Variants in LRP1B observed in about 807,000 individuals in gnomAD.
LRP1B encodes the protein LDL receptor related protein 1B.
LRP1B carries 217 observed loss-of-function variants against 556.6 expected under a neutral mutation model. The ratio of observed to expected loss-of-function variants is 0.39; its 90% CI spans 0.35 to 0.44. The LOEUF (loss-of-function observed/expected upper bound fraction) is 0.44. Among genes scored for constraint, LRP1B ranks in the 20% least tolerant of loss-of-function variants. The pLI is 1.00. For synonymous variants in LRP1B, 2,047 were observed against 1,865.8 expected, an observed-to-expected ratio of 1.10 and a Z score of -2.50; for missense variants, 5,053 against 5,620.8, an observed-to-expected ratio of 0.90 and a Z score of 3.23.
At chr2:141,673,364 G>A (rs549227669) in intron 2 of LRP1B, among the ~76,000 whole-genome samples, 1 of 152,274 alleles carries the variant, frequency 6.6e-6, no homozygotes, top group South Asian at 2.1e-4. Flanking sequence ...TCTAAGCTAG[G>A]TATAGCAATT....
intron 1 of LRP1B, among the ~76,000 whole-genome samples, chr2:141,956,822 C>T (rs1411422805): frequency 6.6e-6 from 1 of 151,958 alleles, no homozygotes; most frequent in Admixed American, 6.6e-5. Context: ...CAGCCCTCTA[C>T]CATATCTTTT....
intron 3 of LRP1B, among the ~76,000 whole-genome samples, chr2:141,346,214 C>T (rs1271387386): frequency 6.6e-6 from 1 of 151,606 alleles, no homozygotes; most frequent in Non-Finnish European, 1.5e-5. Flanking sequence ...ATAGATGATC[C>T]TAGTGATTTT....
At chr2:141,692,197 A>T (rs554156762) in intron 2 of LRP1B, among the ~76,000 whole-genome samples, 43 of 152,102 alleles carry the variant, frequency 2.8e-4, no homozygotes, top group Middle Eastern at 3.4e-3. Context: ...CTGACATTTG[A>T]TAAATTCACT....
rs373249680 is a variant in LRP1B, at chr2:141,968,303, A to G, written c.83-157902T>C. Among the ~76,000 whole-genome samples, 3 of 151,958 alleles carry G rather than the reference A, an allele frequency of 2.0e-5. No individual in the cohort carries two copies. The East Asian group carries it at 5.8e-4, about 29-fold the overall frequency. ...TATTTTGCAATTTTCATGATTAATC[A>G]GTGGTAGAAATTAACAGTGCCCTTC... On this transcript the variant is annotated intron_variant, in intron 1 of 90. Transcript: ENST00000389484.
chr2:141,889,239 C>T (rs1699211324), intron 1 of LRP1B, among the ~76,000 whole-genome samples: 2 of 151,872 alleles, frequency 1.3e-5, no homozygotes, highest in Non-Finnish European at 2.9e-5. Flanking sequence ...ATGGAAGAAA[C>T]CAACAGGAAA....
intron 7 of LRP1B, among the ~76,000 whole-genome samples, chr2:141,119,254 G>T (rs1374292620): frequency 6.6e-6 from 1 of 151,812 alleles, no homozygotes; most frequent in South Asian, 2.1e-4. Context: ...AGAGAATAAA[G>T]CCTTCTAAAC....
At chr2:141,396,269 T>C (rs549060731) in intron 3 of LRP1B, among the ~76,000 whole-genome samples, 2 of 152,220 alleles carry the variant, frequency 1.3e-5, no homozygotes, top group South Asian at 2.1e-4. Flanking sequence ...TCTTCAAGTT[T>C]AGTGTTGATT....
intron 35 of LRP1B, among the ~76,000 whole-genome samples, chr2:140,757,664 T>G (rs1254974215): frequency 6.6e-6 from 1 of 152,208 alleles, no homozygotes; most frequent in South Asian, 2.1e-4. Flanking sequence ...GCGGATCATT[T>G]GAGGCCAGGA....
intron 1 of LRP1B, among the ~76,000 whole-genome samples, chr2:141,845,203 T>G (rs111271426): frequency 1.3e-5 from 2 of 151,822 alleles, no homozygotes; most frequent in East Asian, 1.9e-4. Context: ...AAACAATGAC[T>G]GAATTTATCA....
At chr2:141,776,292 G>A (rs77633704) in intron 2 of LRP1B, among the ~76,000 whole-genome samples, 32,125 of 152,140 alleles carry the variant, frequency 0.21, 3,709 homozygotes, top group African/African-American at 0.32. Flanking sequence ...ACTCTGGAAA[G>A]GAAAAATATG....
intron 1 of LRP1B, among the ~76,000 whole-genome samples, chr2:141,968,880 C>CA (rs1472853857): frequency 2.6e-5 from 4 of 151,656 alleles, no homozygotes; most frequent in Admixed American, 6.6e-5. Flanking sequence ...AATCGGCTCT[C>CA]AAAAATGAGA....
chr2:141,795,732 G>T lies in LRP1B; in HGVS notation c.205+14547C>A, dbSNP rs988753882. Among the ~76,000 whole-genome samples the T allele has an allele frequency of 4.0e-5, 6 of 151,248 alleles. No homozygotes were observed. The South Asian group carries it at 1.2e-3, about 31-fold the overall frequency. On this transcript the variant is annotated intron_variant, in intron 2 of 90. Coordinates refer to ENST00000389484, the MANE Select transcript of LRP1B (RefSeq NM_018557.3). ...CCTGTTGCTTTACCTTACTGCACTA[G>T]TATTTTATTTTTATTTTTTCTTCTG...
At chr2:141,234,454 G>T (rs1051192982) in intron 5 of LRP1B, among the ~76,000 whole-genome samples, 1 of 151,982 alleles carries the variant, frequency 6.6e-6, no homozygotes, top group African/African-American at 2.4e-5. Context: ...TCAGCTCACT[G>T]CAACTTCTGC....
intron 7 of LRP1B, among the ~76,000 whole-genome samples, chr2:141,063,935 T>C (rs1163472580): frequency 1.3e-5 from 2 of 151,888 alleles, no homozygotes; most frequent in African/African-American, 4.8e-5. Context: ...TACGTTTAGA[T>C]AGCATTATGA....
intron 2 of LRP1B, among the ~76,000 whole-genome samples, chr2:141,539,250 G>A (rs1685169486): frequency 6.6e-6 from 1 of 152,012 alleles, no homozygotes; most frequent in Non-Finnish European, 1.5e-5. Context: ...AGTGGTGCCG[G>A]CTGTTTTTCC....
rs184017979 is a variant in LRP1B at position 141,638,321 on chromosome 2, C to T, written c.206-157788G>A. ...CTTCTTGGAAGCCCTCATGGGAAGC[C>T]GATTCCACCATTTTGCTTTGTGTAT... On this transcript the variant is annotated intron_variant, in intron 2 of 90. Coordinates refer to ENST00000389484, the MANE Select transcript of LRP1B (RefSeq NM_018557.3). Among the ~76,000 whole-genome samples the T allele has an allele frequency of 3.9e-5, 6 of 152,222 alleles. No individual in the cohort carries two copies. The East Asian group carries it at 1.2e-3, about 29-fold the overall frequency.
intron 1 of LRP1B, among the ~76,000 whole-genome samples, chr2:142,000,568 G>T (rs930201315): frequency 4.6e-5 from 7 of 152,172 alleles, no homozygotes; most frequent in Non-Finnish European, 1.0e-4. Context: ...GTGTGTTAGA[G>T]TAATATGCCA....
intron 3 of LRP1B, among the ~76,000 whole-genome samples, chr2:141,258,771 C>A (rs1428027394): frequency 1.3e-5 from 2 of 151,862 alleles, no homozygotes; most frequent in Non-Finnish European, 2.9e-5. Flanking sequence ...GTAGAACTTG[C>A]CCCTTCACTC....
intron 7 of LRP1B, among the ~76,000 whole-genome samples, chr2:141,069,681 C>A (rs1394916488): frequency 1.3e-5 from 2 of 152,052 alleles, no homozygotes; most frequent in East Asian, 3.9e-4. Flanking sequence ...TAAAAGGTAA[C>A]GACACACTGA....
Sources: gnomAD v4.1 joint callset for allele counts (sites outside exome capture counted in the v4.1 genomes callset) on GRCh38, gnomAD v4.1.1 for gene constraint, MANE v1.5 for transcripts, NCBI Gene and HGNC (gene_info 2026-07-23, HGNC 2026-07-21) for gene names.